ABCA4: variants seen among roughly 807,000 people sequenced by gnomAD.
ABCA4 encodes retinal-specific phospholipid-transporting ATPase ABCA4.
Under a neutral mutation model 263.7 loss-of-function variants are expected in ABCA4, and 196 were observed. The observed-to-expected ratio is 0.74, with a 90% CI of 0.66 to 0.84. The LOEUF (loss-of-function observed/expected upper bound fraction) is 0.84. Among genes scored for constraint, ABCA4 ranks in the 40% least tolerant of loss-of-function variants. The pLI, the probability that ABCA4 is intolerant of heterozygous loss-of-function variation, is 0.00. For missense variants in ABCA4, 2,792 were observed against 2,855.1 expected, an observed-to-expected ratio of 0.98 and a Z score of 0.50; for synonymous variants, 1,133 against 1,094.2, an observed-to-expected ratio of 1.04 and a Z score of -0.70.
intron 22 of ABCA4, among the ~76,000 whole-genome samples, chr1:94,041,861 C>A (rs1311032680): frequency 6.6e-6 from 1 of 152,126 alleles, no homozygotes; most frequent in Non-Finnish European, 1.5e-5. Context: ...TTTGGGAGGA[C>A]AAGGCGGGAG....
chr1:94,024,748 CA>C (rs1229919627), intron 31 of ABCA4, among the ~76,000 whole-genome samples: 1 of 151,834 alleles, frequency 6.6e-6, no homozygotes, highest in Non-Finnish European at 1.5e-5. Context: ...AAACAAACAA[CA>C]AAAAAAGAAT....
At chr1:94,101,740 G>T (rs1235895846) in intron 5 of ABCA4, among the ~76,000 whole-genome samples, 3 of 152,234 alleles carry the variant, frequency 2.0e-5, no homozygotes, top group Non-Finnish European at 4.4e-5. Context: ...AGCTGCTGCA[G>T]ATCTAGCATT....
At chr1:94,116,917 T>TTTTTC (rs762112717) in intron 1 of ABCA4, among the ~76,000 whole-genome samples, 69 of 152,186 alleles carry the variant, frequency 4.5e-4, no homozygotes, top group Non-Finnish European at 7.5e-4. Context: ...TCTTTTTTTC[T>TTTTTC]TTTTCTTTTC....
At chr1:94,030,380 C>A in intron 29 of ABCA4, 48 bp downstream of exon 29, 4 of 1,576,100 alleles carry the variant, frequency 2.5e-6, no homozygotes, top group Non-Finnish European at 3.5e-6. Flanking sequence ...CCGTTGGGTC[C>A]TCCCAGGGGA....
intron 38 of ABCA4, among the ~76,000 whole-genome samples, chr1:94,013,385 C>T (rs1255695961): frequency 6.6e-6 from 1 of 152,186 alleles, no homozygotes; most frequent in African/African-American, 2.4e-5. Flanking sequence ...GGGGCCTCCG[C>T]ACAGATTTGT....
chr1:94,008,320 A>G (rs560189560), intron 41 of ABCA4, 23 bp from the exon 42 acceptor site: 10 of 1,610,354 alleles, frequency 6.2e-6, no homozygotes, highest in African/African-American at 4.0e-5. Flanking sequence ...AAGAAACCGG[A>G]CTGAGAACTG....
At chr1:94,075,778 G>A (rs370543123) in intron 11 of ABCA4, among the ~76,000 whole-genome samples, 1 of 152,202 alleles carries the variant, frequency 6.6e-6, no homozygotes, top group East Asian at 1.9e-4. Context: ...ACCCTTAGAT[G>A]GAGTCATTTA....
intron 16 of ABCA4, 126 bp downstream of exon 16, chr1:94,054,985 G>A: frequency 9.7e-7 from 1 of 1,031,140 alleles, no homozygotes; most frequent in Non-Finnish European, 1.5e-6. Context: ...TTAACTTCTA[G>A]ATTTAAACTT....
At chr1:94,056,151 G>A (rs2101068974) in intron 15 of ABCA4, among the ~76,000 whole-genome samples, 1 of 152,212 alleles carries the variant, frequency 6.6e-6, no homozygotes, top group South Asian at 2.1e-4. Context: ...GGTAGAGCAT[G>A]TTAAAGATAC....
chr1:94,007,303 AT>A lies in ABCA4; in HGVS notation c.6005+330del, dbSNP rs3838272. ...GGGAGGTAATGGGAAGCAATGGTGC[AT>A]TTTTATAGGAATAGGCTACAAATAT... On this transcript the variant is annotated intron_variant, in intron 43 of 49. Coordinates refer to ENST00000370225, the MANE Select transcript of ABCA4 (RefSeq NM_000350.3). Among the ~76,000 whole-genome samples, 29,017 of 152,064 alleles carry A rather than the reference AT, an allele frequency of 0.19. 2,850 individuals are homozygous for A. Among genetic ancestry groups the A allele is most frequent in the African/African-American group, 0.23 (9,669 of 41,478 alleles).
In ABCA4 at chr1:94,010,949, G is replaced by A. The variant is rs1038711186; in HGVS notation, c.5585-20C>T. The A allele has an allele frequency of 6.2e-7, 1 of 1,613,878 alleles. No individual in the cohort carries two copies. The highest frequency in any genetic ancestry group is 1.3e-5 in the African/African-American group (1 of 74,914). On this transcript the variant is annotated intron_variant, in intron 39 of 49. Transcript: ENST00000370225. ...CCTCACCTGGGCATCAACAGGAATT[G>A]AGTCCACTTCAGCCGCCCCAGCTCA...
chr1:94,118,150 G>C (rs548296859), intron 1 of ABCA4, among the ~76,000 whole-genome samples: 21 of 152,128 alleles, frequency 1.4e-4, no homozygotes, highest in Non-Finnish European at 2.6e-4. Context: ...GAGCCTCAGT[G>C]ACCTCATCAG....
chr1:94,101,408 G>A (rs960594290), intron 5 of ABCA4, among the ~76,000 whole-genome samples: 2 of 152,208 alleles, frequency 1.3e-5, no homozygotes, highest in South Asian at 2.1e-4. Context: ...CACTGCAGGC[G>A]CCAAGCTCAC....
Position 94,021,257 on chromosome 1 carries a change from C to G in ABCA4, c.5001G>C (p.Gln1667His). The G allele has an allele frequency of 1.2e-6, 2 of 1,614,200 alleles. No individual in the cohort carries two copies. Among genetic ancestry groups the G allele is most frequent in the Non-Finnish European group, 1.7e-6 (2 of 1,180,026 alleles). ...TGGCTTACACTGTAATCTCTGAGAG[C>G]TGCTCCTTGGTCAGGTTCAGGGGTT... is the stretch of plus-strand genomic sequence containing the variant. ...ISQPLNLTKEQLSEITVLTTS... is the reference protein window; with the variant it reads ...ISQPLNLTKEHLSEITVLTTS... Residue 1667 changes from glutamine to histidine, a missense_variant, in exon 35 of 50, where the codon CAG becomes CAC. Transcript: ENST00000370225.
In ABCA4 at chr1:94,041,066, G is replaced by A. The variant is rs566751195; in HGVS notation, c.3522+143C>T. 73 of 881,068 alleles carry A rather than the reference G, an allele frequency of 8.3e-5. 1 individual carries two copies. The highest frequency in any genetic ancestry group is 1.8e-4 in the Admixed American group (9 of 49,876). The allele number at this position is 881,068 out of a possible 1,614,324, so 54.6% of individuals were successfully genotyped here. ...GAGGAGGCTTCAGAATGTGTTCATC[G>A]AAATCTTCTGCAAATGGTCCCAGAA... On this transcript the variant is annotated intron_variant, in intron 23 of 49. Transcript: ENST00000370225.
rs1660188563 is a variant in ABCA4, at chr1:94,031,058, A to G, written c.4191T>C (p.Phe1397=). Residue 1397 remains phenylalanine, a synonymous_variant, in exon 28 of 50, where the codon TTT becomes TTC. Coordinates refer to ENST00000370225, the MANE Select transcript of ABCA4 (RefSeq NM_000350.3). ...ALMLSIVIPP[F]GEYPALTLHP... ...GAAGGGTCAAAGCGGGGTATTCGCC[A>G]AAAGGAGGGATAACAATAGAAAGCA... is the stretch of plus-strand genomic sequence containing the variant. The G allele has an allele frequency of 1.2e-6, 2 of 1,614,168 alleles. No individual in the cohort carries two copies. The highest frequency in any genetic ancestry group is 1.7e-6 in the Non-Finnish European group (2 of 1,180,010).
chr1:94,003,891 G>A (rs1341403969), intron 44 of ABCA4, among the ~76,000 whole-genome samples: 1 of 152,108 alleles, frequency 6.6e-6, no homozygotes, highest in Non-Finnish European at 1.5e-5. Context: ...TCCTACCTTG[G>A]CCTCCCAAAG....
At chr1:94,057,671 G>A (rs1411823716) in intron 14 of ABCA4, among the ~76,000 whole-genome samples, 3 of 152,228 alleles carry the variant, frequency 2.0e-5, no homozygotes, top group Admixed American at 2.0e-4. Flanking sequence ...CCTGCTGGCA[G>A]TACTCAGTAA....
intron 6 of ABCA4, among the ~76,000 whole-genome samples, chr1:94,090,045 C>T (rs748342162): frequency 5.3e-5 from 8 of 152,108 alleles, no homozygotes; most frequent in Admixed American, 1.3e-4. Context: ...CACTCACTCA[C>T]GTTGGAATCA....
Sources: allele counts gnomAD v4.1 joint callset (sites outside exome capture counted in the v4.1 genomes callset), GRCh38; gene constraint gnomAD v4.1.1; transcripts MANE v1.5; gene names NCBI Gene and HGNC (gene_info 2026-07-23, HGNC 2026-07-21).